The following MARCHF1 variants were observed in gnomAD, a reference collection of about 807,000 sequenced individuals.
MARCHF1 encodes E3 ubiquitin-protein ligase MARCHF1.
MARCHF1 carries 40 observed loss-of-function variants against 54.2 expected under a neutral mutation model. The observed-to-expected ratio is 0.74, with a 90% confidence interval of 0.57 to 0.96. The LOEUF (loss-of-function observed/expected upper bound fraction) is 0.96. Ranked by LOEUF, MARCHF1 falls within the 40% of genes least tolerant of loss-of-function variation. The pLI is 0.00. For synonymous variants in MARCHF1, 236 were observed against 236.3 expected, an observed-to-expected ratio of 1.00 and a Z score of 0.01; for missense variants, 586 against 656.5, an observed-to-expected ratio of 0.89 and a Z score of 1.17.
chr4:164,134,657 G>A (rs1334634364), intron 1 of MARCHF1, among the ~76,000 whole-genome samples: 2 of 151,940 alleles, frequency 1.3e-5, no homozygotes, highest in African/African-American at 2.4e-5. Context: ...AAATAGACAT[G>A]ACTGATAACA....
intron 4 of MARCHF1, among the ~76,000 whole-genome samples, chr4:163,742,144 G>A (rs1746215027): frequency 6.6e-6 from 1 of 151,970 alleles, no homozygotes; most frequent in African/African-American, 2.4e-5. Context: ...AAAATCATGG[G>A]GACCACTGGC....
At chr4:163,566,777 T>G (rs952515271) in intron 8 of MARCHF1, among the ~76,000 whole-genome samples, 1 of 152,180 alleles carries the variant, frequency 6.6e-6, no homozygotes, top group African/African-American at 2.4e-5. Context: ...AATGGTTCAC[T>G]GACTATATAC....
intron 2 of MARCHF1, among the ~76,000 whole-genome samples, chr4:164,109,828 T>G (rs1755792850): frequency 7.0e-6 from 1 of 142,310 alleles, no homozygotes; most frequent in Admixed American, 7.6e-5. Flanking sequence ...TGTGAAATCC[T>G]AATGATCTGT....
At chr4:164,350,521 A>G (rs1213308323) in intron 1 of MARCHF1, among the ~76,000 whole-genome samples, 3 of 152,210 alleles carry the variant, frequency 2.0e-5, no homozygotes, top group Admixed American at 6.5e-5. Context: ...CCCAACTCAA[A>G]GAAATAATAA....
intron 2 of MARCHF1, among the ~76,000 whole-genome samples, chr4:164,089,398 A>T (rs907116140): frequency 1.3e-5 from 2 of 152,094 alleles, no homozygotes; most frequent in African/African-American, 4.8e-5. Context: ...AAATTTGTTG[A>T]GGTTACTAGA....
At chr4:164,202,520 A>T (rs1437579995) in intron 1 of MARCHF1, among the ~76,000 whole-genome samples, 4 of 152,174 alleles carry the variant, frequency 2.6e-5, no homozygotes, top group Non-Finnish European at 1.5e-5. Context: ...TAAAAAGTTA[A>T]TTTTCAAAAA....
chr4:164,272,778 T>A (rs1733774482), intron 1 of MARCHF1, among the ~76,000 whole-genome samples: 1 of 151,870 alleles, frequency 6.6e-6, no homozygotes, highest in African/African-American at 2.4e-5. Flanking sequence ...TTTCTATGTA[T>A]TGAATGTATT....
intron 1 of MARCHF1, among the ~76,000 whole-genome samples, chr4:164,353,948 A>C (rs1730432534): frequency 9.9e-6 from 1 of 101,388 alleles, no homozygotes; most frequent in South Asian, 3.8e-4. Flanking sequence ...CTGATCCCAC[A>C]GAAATACAAA....
intron 4 of MARCHF1, among the ~76,000 whole-genome samples, chr4:163,742,336 C>T (rs1354881098): frequency 2.0e-5 from 3 of 149,324 alleles, no homozygotes; most frequent in South Asian, 2.2e-4. Flanking sequence ...CTCCCTTTCC[C>T]TCCCTCCCTC....
At chr4:164,143,660 C>T (rs560920284) in intron 1 of MARCHF1, among the ~76,000 whole-genome samples, 4 of 152,258 alleles carry the variant, frequency 2.6e-5, no homozygotes, top group East Asian at 1.9e-4. Flanking sequence ...CCTAAAAGAG[C>T]TCCTGAAAGA....
At chr4:164,061,570 T>A (rs1299069910) in intron 2 of MARCHF1, among the ~76,000 whole-genome samples, 3 of 145,914 alleles carry the variant, frequency 2.1e-5, no homozygotes, top group Admixed American at 1.4e-4. Flanking sequence ...TTAGGAGATA[T>A]ACCTAATGCT....
At chr4:164,099,837 A>T (rs1028773096) in intron 2 of MARCHF1, among the ~76,000 whole-genome samples, 1 of 152,156 alleles carries the variant, frequency 6.6e-6, no homozygotes, top group Non-Finnish European at 1.5e-5. Context: ...TGAATCTAAT[A>T]CTTTTTAATT....
Position 163,528,535 on chromosome 4 carries a change from A to G in MARCHF1, c.*213T>C. The G allele has an allele frequency of 3.9e-6, 2 of 511,308 alleles. No individual in the cohort carries two copies. The highest frequency in any genetic ancestry group is 6.9e-6 in the Non-Finnish European group (2 of 289,990). The allele number at this position is 511,308 out of a possible 1,614,324, so 31.7% of individuals were successfully genotyped here. ...TCTCTTGCAAACTTCACATTTCCAT[A>G]TCATACTTTACTTTACGCTATTACT... is the stretch of plus-strand genomic sequence containing the variant. On this transcript the variant is annotated 3_prime_UTR_variant, in exon 10 of 10. Coordinates refer to ENST00000514618, the MANE Select transcript of MARCHF1 (RefSeq NM_001394959.1).
chr4:163,738,734 G>A (rs1015510871), intron 4 of MARCHF1, among the ~76,000 whole-genome samples: 7 of 152,192 alleles, frequency 4.6e-5, no homozygotes, highest in African/African-American at 1.7e-4. Flanking sequence ...TTTAGGCTGA[G>A]TAAAAATACT....
intron 4 of MARCHF1, among the ~76,000 whole-genome samples, chr4:163,717,729 A>G (rs920393718): frequency 6.6e-6 from 1 of 152,108 alleles, no homozygotes; most frequent in Non-Finnish European, 1.5e-5. Context: ...GTTTTGATTT[A>G]CATTTCTCTG....
chr4:163,814,702 T>C (rs982616175), intron 4 of MARCHF1, among the ~76,000 whole-genome samples: 11 of 152,346 alleles, frequency 7.2e-5, no homozygotes, highest in African/African-American at 2.4e-4. Flanking sequence ...CAGAATCCCT[T>C]TGTTTCCATT....
At chr4:163,841,401 G>A (rs1465843528) in intron 4 of MARCHF1, among the ~76,000 whole-genome samples, 1 of 151,854 alleles carries the variant, frequency 6.6e-6, no homozygotes, top group Non-Finnish European at 1.5e-5. Flanking sequence ...TATACCTTTT[G>A]CTCAGTATTG....
At chr4:164,129,335 T>G (rs190270243) in intron 1 of MARCHF1, among the ~76,000 whole-genome samples, 149 of 152,264 alleles carry the variant, frequency 9.8e-4, no homozygotes, top group African/African-American at 3.0e-3. Context: ...TTATAGTGGC[T>G]TGGTAATAAT....
In MARCHF1 at chr4:164,259,285, G is replaced by C. The variant is rs1733382691; in HGVS notation, c.-323+124585C>G. Among the ~76,000 whole-genome samples, 3 of 152,112 alleles carry C rather than the reference G, an allele frequency of 2.0e-5. 1 individual carries two copies. The South Asian group carries it at 6.2e-4, about 32-fold the overall frequency. On this transcript the variant is annotated intron_variant, in intron 1 of 9. Coordinates refer to ENST00000514618, the MANE Select transcript of MARCHF1 (RefSeq NM_001394959.1). ...GGGCCGGGCGTGGTGGCTCACTCCT[G>C]TAATCCCAATACTTTAGGAGGCCGA...
Sources: allele counts gnomAD v4.1 joint callset (sites outside exome capture counted in the v4.1 genomes callset), GRCh38; gene constraint gnomAD v4.1.1; transcripts MANE v1.5; gene names NCBI Gene and HGNC (gene_info 2026-07-23, HGNC 2026-07-21).